The following MAP4K4 variants were observed in gnomAD, a reference collection of about 807,000 sequenced individuals.
The protein encoded by MAP4K4 is mitogen-activated protein kinase kinase kinase kinase 4.
Under a neutral mutation model 189.6 loss-of-function variants are expected in MAP4K4, and 38 were observed. That is an observed-to-expected ratio of 0.20 (90% CI 0.15 to 0.26). The LOEUF (loss-of-function observed/expected upper bound fraction) is 0.26. Ranked by LOEUF, MAP4K4 falls within the 10% of genes least tolerant of loss-of-function variation. The pLI, the probability that MAP4K4 is intolerant of heterozygous loss-of-function variation, is 1.00. For synonymous variants in MAP4K4, 610 were observed against 624.3 expected, an observed-to-expected ratio of 0.98 and a Z score of 0.34; for missense variants, 1,054 against 1,726.9, an observed-to-expected ratio of 0.61 and a Z score of 6.91.
intron 6 of MAP4K4, 61 bp downstream of exon 6, chr2:101,829,655 C>G (rs2096530531): frequency 1.1e-5 from 13 of 1,140,886 alleles, no homozygotes; most frequent in Admixed American, 1.9e-5. Context: ...AGCTGCACTC[C>G]CAGTTCTGCT....
At chr2:101,829,386 G>A in intron 5 of MAP4K4, 118 bp from the exon 6 acceptor site, 1 of 650,912 alleles carries the variant, frequency 1.5e-6, no homozygotes, top group Non-Finnish European at 2.8e-6. Context: ...CGAAGTTAAT[G>A]TTCATGAGCT....
chr2:101,868,949 A>C (rs1230693233), intron 21 of MAP4K4, among the ~76,000 whole-genome samples: 3 of 152,136 alleles, frequency 2.0e-5, no homozygotes, highest in Non-Finnish European at 2.9e-5. Flanking sequence ...GTCTTCTTTA[A>C]AGGGGTCAGT....
intron 2 of MAP4K4, among the ~76,000 whole-genome samples, chr2:101,716,510 C>G (rs1256416295): frequency 7.3e-6 from 1 of 137,032 alleles, no homozygotes; most frequent in African/African-American, 2.8e-5. Flanking sequence ...TAAAGGATGG[C>G]AAAAAAAAAA....
intron 5 of MAP4K4, among the ~76,000 whole-genome samples, chr2:101,826,508 T>C (rs1408483412): frequency 6.6e-6 from 1 of 152,212 alleles, no homozygotes; most frequent in African/African-American, 2.4e-5. Context: ...ATGACTATTA[T>C]AGAAAGCAGA....
At chr2:101,812,493 G>C (rs1170163778) in intron 3 of MAP4K4, among the ~76,000 whole-genome samples, 1 of 152,172 alleles carries the variant, frequency 6.6e-6, no homozygotes, top group Non-Finnish European at 1.5e-5. Flanking sequence ...GATAGATGGA[G>C]TAAAGATTAA....
intron 3 of MAP4K4, among the ~76,000 whole-genome samples, chr2:101,794,103 T>C (rs769993158): frequency 3.3e-5 from 5 of 152,152 alleles, no homozygotes; most frequent in Non-Finnish European, 5.9e-5. Flanking sequence ...TTTATCTGAT[T>C]GGTTTTGGGA....
At chr2:101,844,553 C>T (rs750404251) in intron 12 of MAP4K4, among the ~76,000 whole-genome samples, 13 of 152,182 alleles carry the variant, frequency 8.5e-5, no homozygotes, top group Non-Finnish European at 1.6e-4. Context: ...CCCACAGTTA[C>T]TCATCAACAT....
exon 19 of MAP4K4, chr2:101,866,550 G>C: frequency 6.2e-7 from 1 of 1,613,606 alleles, no homozygotes; most frequent in East Asian, 2.2e-5. Flanking sequence ...GGGTCTCAGA[G>C]TGGCTCCGGG....
At chr2:101,857,970 T>TATTC (rs2097529238) in intron 13 of MAP4K4, among the ~76,000 whole-genome samples, 1 of 152,230 alleles carries the variant, frequency 6.6e-6, no homozygotes, top group South Asian at 2.1e-4. Flanking sequence ...CTTCTTAGTC[T>TATTC]ATTCCTCTTC....
At chr2:101,839,087 C>T (rs2096846445) in intron 9 of MAP4K4, among the ~76,000 whole-genome samples, 1 of 152,148 alleles carries the variant, frequency 6.6e-6, no homozygotes, top group African/African-American at 2.4e-5. Flanking sequence ...GGAAGATTTA[C>T]CAGAAGTGGT....
exon 10 of MAP4K4, chr2:101,839,835 A>G: frequency 6.3e-7 from 1 of 1,585,622 alleles, no homozygotes; most frequent in Non-Finnish European, 8.5e-7. Flanking sequence ...GAAGTTTTTT[A>G]GTTTTATAGA....
At chr2:101,874,115 C>A (rs1344195242) in exon 26 of MAP4K4, 4 of 1,613,706 alleles carry the variant, frequency 2.5e-6, no homozygotes, top group Non-Finnish European at 3.4e-6. Context: ...AGACCAGAAG[C>A]CATAAGGCAA....
intron 2 of MAP4K4, among the ~76,000 whole-genome samples, chr2:101,736,559 T>C (rs2149681053): frequency 6.6e-6 from 1 of 152,368 alleles, no homozygotes; most frequent in East Asian, 1.9e-4. Flanking sequence ...CAGCAGTGCC[T>C]GGCATGTAGC....
intron 12 of MAP4K4, among the ~76,000 whole-genome samples, chr2:101,847,451 T>G (rs904886685): frequency 2.0e-5 from 3 of 152,208 alleles, no homozygotes; most frequent in African/African-American, 7.2e-5. Flanking sequence ...TATTTGCCCT[T>G]GAAGACTCTC....
intron 28 of MAP4K4, among the ~76,000 whole-genome samples, chr2:101,883,799 G>T (rs890496115): frequency 6.6e-6 from 1 of 152,044 alleles, no homozygotes; most frequent in Non-Finnish European, 1.5e-5. Context: ...GGTGTAGTTT[G>T]TCTGCACCCC....
intron 2 of MAP4K4, among the ~76,000 whole-genome samples, chr2:101,741,962 G>A (rs897183236): frequency 6.6e-6 from 1 of 152,276 alleles, no homozygotes; most frequent in Non-Finnish European, 1.5e-5. Flanking sequence ...TAGATAGTGC[G>A]GCTGAAAGGT....
chr2:101,772,005 T>G (rs1057315602), intron 2 of MAP4K4, among the ~76,000 whole-genome samples: 5 of 152,150 alleles, frequency 3.3e-5, no homozygotes, highest in Admixed American at 6.5e-5. Flanking sequence ...GCCTCTGAAG[T>G]CTCCCTCAGC....
At chr2:101,838,961 G>A (rs374748032) in intron 9 of MAP4K4, among the ~76,000 whole-genome samples, 5 of 152,174 alleles carry the variant, frequency 3.3e-5, no homozygotes, top group Non-Finnish European at 2.9e-5. Context: ...AGTTTTTGAC[G>A]TGTACCATTT....
At chr2:101,713,108 T>A (rs949878082) in intron 2 of MAP4K4, among the ~76,000 whole-genome samples, 2 of 151,220 alleles carry the variant, frequency 1.3e-5, no homozygotes, top group African/African-American at 2.4e-5. Flanking sequence ...TTTCATCATG[T>A]TGGCCAGACT....
Sources: allele counts gnomAD v4.1 joint callset (sites outside exome capture counted in the v4.1 genomes callset), GRCh38; gene constraint gnomAD v4.1.1; transcripts MANE v1.5; gene names NCBI Gene and HGNC (gene_info 2026-07-23, HGNC 2026-07-21).